Variants in MMEL1 observed in about 807,000 individuals in gnomAD.
The protein encoded by MMEL1 is membrane metalloendopeptidase like 1, also known as membrane metallo-endopeptidase-like 1.
In MMEL1, 98 loss-of-function variants were observed where a neutral mutation model predicts 117.1. That is an observed-to-expected ratio of 0.84 (90% CI 0.71 to 0.99). The LOEUF (loss-of-function observed/expected upper bound fraction) is 0.99. Among genes scored for constraint, MMEL1 ranks in the 50% least tolerant of loss-of-function variants. MMEL1 has a pLI of 0.00. For missense variants in MMEL1, 1,014 were observed against 1,049.1 expected, an observed-to-expected ratio of 0.97 and a Z score of 0.46; for synonymous variants, 390 against 415.1, an observed-to-expected ratio of 0.94 and a Z score of 0.74.
Position 2,595,984 on chromosome 1 carries a change from G to T in MMEL1, c.1500+25C>A, listed in dbSNP as rs779151416. On this transcript the variant is annotated intron_variant, in intron 15 of 23. Transcript: ENST00000378412. The surrounding 1 kb of genome is among the most constrained non-coding windows in gnomAD (Gnocchi z 4.8). ...CCCGTGCCCAGATCCAGTCGGGGCT[G>T]CCCTGACCTCTGCGAGCCACATACC... The T allele has an allele frequency of 6.2e-7, 1 of 1,600,988 alleles. No homozygotes were observed. Among genetic ancestry groups the T allele is most frequent in the Admixed American group, 1.7e-5 (1 of 59,956 alleles).
chr1:2,591,047 C>T lies in MMEL1; in HGVS notation c.2283G>A (p.Thr761=), dbSNP rs371317701. Residue 761 remains threonine (T), a synonymous_variant, in exon 24 of 24, where the codon ACG becomes ACA. Transcript: ENST00000378412. The part of the protein sequence containing the change: ...SLQNLAAFAD[T]FHCARGTPMH... ...TGGGGGTGCCCCGGGCACAGTGGAA[C>T]GTGTCTGCGAAGGCGGCCAGGTTCT... The T allele has an allele frequency of 1.5e-5, 24 of 1,606,860 alleles. No homozygotes were observed. Among genetic ancestry groups the T allele is most frequent in the Non-Finnish European group, 2.0e-5 (24 of 1,177,418 alleles).
At chr1:2,630,679 G>A (rs189549107) in intron 1 of MMEL1, among the ~76,000 whole-genome samples, 1 of 150,654 alleles carries the variant, frequency 6.6e-6, no homozygotes, top group Non-Finnish European at 1.5e-5. Context: ...GGATATGCAC[G>A]TGTGTGCGTG....
intron 6 of MMEL1, among the ~76,000 whole-genome samples, chr1:2,608,637 A>G (rs1240022786): frequency 1.3e-5 from 2 of 151,952 alleles, no homozygotes; most frequent in Non-Finnish European, 2.9e-5. Context: ...TGCACACACA[A>G]CATACACATA....
intron 2 of MMEL1, among the ~76,000 whole-genome samples, chr1:2,626,340 C>A (rs542757795): frequency 3.3e-5 from 5 of 152,248 alleles, no homozygotes; most frequent in African/African-American, 9.6e-5. Context: ...CTAAACTGTA[C>A]GATAAAGAGA....
intron 1 of MMEL1, among the ~76,000 whole-genome samples, chr1:2,631,159 G>T (rs1376812163): frequency 6.6e-6 from 1 of 152,218 alleles, no homozygotes; most frequent in African/African-American, 2.4e-5. Flanking sequence ...GCCCTGCTGG[G>T]AAGTTGCCCG....
At chr1:2,628,962 G>C (rs1238274467) in intron 2 of MMEL1, among the ~76,000 whole-genome samples, 2 of 135,986 alleles carry the variant, frequency 1.5e-5, no homozygotes, top group African/African-American at 5.3e-5. Flanking sequence ...GGGCTGCGCG[G>C]CCAGGCAGGG....
chr1:2,596,141 T>C, intron 14 of MMEL1, 34 bp from the exon 15 acceptor site: 5 of 1,576,580 alleles, frequency 3.2e-6, no homozygotes, highest in Non-Finnish European at 3.5e-6. Context: ...TGTCCCAGAC[T>C]CATCTGGAGG....
chr1:2,591,400 C>A, intron 23 of MMEL1, 157 bp downstream of exon 23: 3 of 664,708 alleles, frequency 4.5e-6, no homozygotes, highest in Non-Finnish European at 8.0e-6. Flanking sequence ...AAGAGAATGT[C>A]CCTGACCGAA....
intron 22 of MMEL1, 57 bp from the exon 23 acceptor site, chr1:2,591,690 T>TGGGGGGGCAGGGGGGGGG: frequency 1.1e-5 from 4 of 376,504 alleles, no homozygotes; most frequent in Admixed American, 3.3e-5. Context: ...CCAGGAGGGG[T>TGGGGGGGCAGGGGGGGGG]GGGGGAGGGT....
rs1040714870 is a variant in MMEL1 at position 2,596,160 on chromosome 1, C to G, written c.1402-53G>C. ...CCAGACTCATCTGGAGGGCGAATGA[C>G]CAGCCTCAAGGGCTTTGGGGAGGTC... On this transcript the variant is annotated intron_variant, in intron 14 of 23. Transcript: ENST00000378412. 2.0e-6 allele frequency: 3 copies of G among 1,530,612 alleles called. No homozygotes were observed. In the African/African-American group the frequency reaches 4.1e-5, roughly 21 times the overall value. 94.8% of individuals were successfully genotyped at this position (1,530,612 alleles called of 1,614,324 possible). A position where few individuals can be genotyped will look rare whatever the true frequency, so the allele number is the denominator to read the frequency against.
chr1:2,601,127 A>C (rs561367512), intron 11 of MMEL1, among the ~76,000 whole-genome samples: 4 of 152,350 alleles, frequency 2.6e-5, no homozygotes, highest in African/African-American at 9.6e-5. Context: ...TTTTATGTGA[A>C]AATGCAAAGG....
chr1:2,594,065 C>A, intron 18 of MMEL1, 132 bp from the exon 19 acceptor site: 1 of 1,234,958 alleles, frequency 8.1e-7, no homozygotes, highest in Non-Finnish European at 1.1e-6. Context: ...AGGATTCCCT[C>A]AATTTACAGA....
At chr1:2,620,480 T>C (rs1645273153) in intron 2 of MMEL1, among the ~76,000 whole-genome samples, 1 of 152,216 alleles carries the variant, frequency 6.6e-6, no homozygotes. Flanking sequence ...TCAGAGGTCT[T>C]ACCCTACAAG....
intron 2 of MMEL1, among the ~76,000 whole-genome samples, chr1:2,628,172 C>G (rs373545816): frequency 1.3e-5 from 2 of 152,218 alleles, no homozygotes; most frequent in African/African-American, 4.8e-5. Flanking sequence ...TTTCCCTCCC[C>G]CACTGCCCAC....
chr1:2,623,327 AGAG>A (rs1219939859), intron 2 of MMEL1, among the ~76,000 whole-genome samples: 1 of 152,224 alleles, frequency 6.6e-6, no homozygotes, highest in Non-Finnish European at 1.5e-5. Context: ...AATTTAAGGT[AGAG>A]AAGTTCTGCT....
chr1:2,609,319 T>C lies in MMEL1; in HGVS notation c.535+20A>G, dbSNP rs1645087512. 1 of 1,605,102 alleles carries C rather than the reference T, an allele frequency of 6.2e-7. No homozygotes were observed. On this transcript the variant is annotated intron_variant, in intron 6 of 23. Coordinates refer to ENST00000378412, the MANE Select transcript of MMEL1 (RefSeq NM_033467.4). ...GCCCCCGTCCCCTGCCTCGGCCCCT[T>C]CCTGGCGGCCCCCACTCACTCTGGT...
intron 1 of MMEL1, 124 bp from the exon 2 acceptor site, chr1:2,629,645 C>G: frequency 1.2e-6 from 1 of 822,480 alleles, no homozygotes. Flanking sequence ...CTCTTCCCGT[C>G]TCCCTCTCCA....
At chr1:2,591,691 G>C in intron 22 of MMEL1, 58 bp from the exon 23 acceptor site, 1 of 1,247,788 alleles carries the variant, frequency 8.0e-7, no homozygotes, top group South Asian at 1.2e-5. Flanking sequence ...CAGGAGGGGT[G>C]GGGGAGGGTC....
chr1:2,625,881 C>G (rs1184074882), intron 2 of MMEL1, among the ~76,000 whole-genome samples: 1 of 152,198 alleles, frequency 6.6e-6, no homozygotes, highest in Non-Finnish European at 1.5e-5. Context: ...CCTGCCTTCT[C>G]TCCTCCAGCC....
Sources: gnomAD v4.1 joint callset for allele counts (sites outside exome capture counted in the v4.1 genomes callset) on GRCh38, gnomAD v4.1.1 for gene constraint, Gnocchi (gnomAD v3.1) non-coding constraint, MANE v1.5 for transcripts, NCBI Gene and HGNC (gene_info 2026-07-23, HGNC 2026-07-21) for gene names.